RABGAP1L: variants seen among roughly 807,000 people sequenced by gnomAD.
RABGAP1L encodes rab GTPase-activating protein 1-like.
RABGAP1L carries 63 observed loss-of-function variants against 137.7 expected under a neutral mutation model. The ratio of observed to expected loss-of-function variants is 0.46; its 90% CI spans 0.37 to 0.56. The LOEUF (loss-of-function observed/expected upper bound fraction) is 0.56. Among genes scored for constraint, RABGAP1L ranks in the 20% least tolerant of loss-of-function variants. The pLI, the probability that RABGAP1L is intolerant of heterozygous loss-of-function variation, is 0.00. For synonymous variants in RABGAP1L, 431 were observed against 433.7 expected (o/e 0.99, Z 0.08); for missense variants, 1,095 against 1,244.0 (o/e 0.88, Z 1.80).
intron 19 of RABGAP1L, among the ~76,000 whole-genome samples, chr1:174,818,032 G>A (rs780820666): frequency 8.5e-5 from 13 of 152,176 alleles, no homozygotes; most frequent in Admixed American, 3.3e-4. Context: ...TATGTTGTTC[G>A]TGGTACATAT....
chr1:174,376,584 AG>A (rs1415979160), intron 12 of RABGAP1L, among the ~76,000 whole-genome samples: 3 of 152,228 alleles, frequency 2.0e-5, no homozygotes, highest in African/African-American at 7.2e-5. Context: ...AGGCTAAAGA[AG>A]AAAAACCATA....
intron 13 of RABGAP1L, among the ~76,000 whole-genome samples, chr1:174,419,401 T>G (rs1413971390): frequency 6.8e-6 from 1 of 147,226 alleles, no homozygotes; most frequent in East Asian, 1.9e-4. Flanking sequence ...CTAGAATGTT[T>G]CTGAAATATT....
intron 13 of RABGAP1L, among the ~76,000 whole-genome samples, chr1:174,471,545 C>T (rs10489261): frequency 0.08 from 12,218 of 152,200 alleles, 680 homozygotes; most frequent in East Asian, 0.32. Flanking sequence ...ATATCCAAAT[C>T]GGAGCTAAAT....
chr1:174,955,077 G>A (rs1668319601), intron 19 of RABGAP1L, among the ~76,000 whole-genome samples: 1 of 152,178 alleles, frequency 6.6e-6, no homozygotes, highest in South Asian at 2.1e-4. Flanking sequence ...CTACACAGTT[G>A]GCAGGTGGTG....
chr1:174,799,812 G>T, intron 18 of RABGAP1L: 8 of 997,344 alleles, frequency 8.0e-6, no homozygotes, highest in Non-Finnish European at 9.5e-6. Context: ...TGCTTGTCAC[G>T]AATCGAGGAT....
At chr1:174,666,647 C>G (rs944111791) in intron 14 of RABGAP1L, among the ~76,000 whole-genome samples, 67 of 152,166 alleles carry the variant, frequency 4.4e-4, no homozygotes, top group Non-Finnish European at 1.5e-5. Context: ...TTCATTCTTT[C>G]TGTGAGTCTG....
intron 10 of RABGAP1L, among the ~76,000 whole-genome samples, chr1:174,294,252 G>A (rs1331293736): frequency 6.6e-6 from 1 of 152,048 alleles, no homozygotes; most frequent in Non-Finnish European, 1.5e-5. Flanking sequence ...TTCCTTTTGG[G>A]CAGAGTCCTT....
At chr1:174,973,969 ATTGTTTT>A (rs1205356634) in intron 21 of RABGAP1L, among the ~76,000 whole-genome samples, 1 of 118,924 alleles carries the variant, frequency 8.4e-6, no homozygotes, top group African/African-American at 3.9e-5. Flanking sequence ...GAGCAGTACA[ATTGTTTT>A]TTGTTTTTTT....
intron 4 of RABGAP1L, chr1:174,238,870 G>T: frequency 6.4e-6 from 1 of 157,320 alleles, no homozygotes; most frequent in South Asian, 2.0e-4. Context: ...CCCCAGCCTT[G>T]CTGCCGCCTT....
chr1:174,508,218 A>G (rs1042757649), intron 13 of RABGAP1L, among the ~76,000 whole-genome samples: 3 of 152,154 alleles, frequency 2.0e-5, no homozygotes, highest in African/African-American at 2.4e-5. Context: ...GTTGCTGTAA[A>G]ACAAGCCCTG....
intron 11 of RABGAP1L, among the ~76,000 whole-genome samples, chr1:174,327,307 A>G (rs1680516850): frequency 7.3e-6 from 1 of 137,598 alleles, no homozygotes; most frequent in Non-Finnish European, 1.6e-5. Context: ...TGTATATAAT[A>G]AGGTATAATA....
intron 1 of RABGAP1L, among the ~76,000 whole-genome samples, chr1:174,193,671 A>G (rs562202264): frequency 3.9e-5 from 6 of 152,326 alleles, no homozygotes; most frequent in African/African-American, 1.4e-4. Flanking sequence ...TAGGAACATT[A>G]AACAGAATGC....
Position 174,570,568 on chromosome 1 carries a change from A to G in RABGAP1L, c.1711-66807A>G, listed in dbSNP as rs187068789. On this transcript the variant is annotated intron_variant, in intron 13 of 25. Coordinates refer to ENST00000681986, the MANE Select transcript of RABGAP1L (RefSeq NM_001366446.1). ...GATTGAAAATGAACTGTTAGGTACT[A>G]TGCTTACTACCTAGAGGATGGGATT... Among the ~76,000 whole-genome samples, 302 of 152,310 alleles carry G rather than the reference A, an allele frequency of 2.0e-3. 1 individual carries two copies. The highest frequency in any genetic ancestry group is 6.9e-3 in the African/African-American group (286 of 41,564).
chr1:174,240,101 A>G (rs1671665886), intron 4 of RABGAP1L, among the ~76,000 whole-genome samples: 2 of 152,232 alleles, frequency 1.3e-5, no homozygotes, highest in Non-Finnish European at 2.9e-5. Flanking sequence ...ACACCTTGAC[A>G]GAGATTTAGT....
intron 18 of RABGAP1L, among the ~76,000 whole-genome samples, chr1:174,782,616 A>C (rs867389504): frequency 3.3e-5 from 5 of 152,176 alleles, no homozygotes; most frequent in African/African-American, 1.2e-4. Context: ...GCATTTCCGC[A>C]TGGGATGTCA....
intron 5 of RABGAP1L, among the ~76,000 whole-genome samples, chr1:174,242,544 G>A (rs867737577): frequency 6.6e-6 from 1 of 152,182 alleles, no homozygotes; most frequent in Non-Finnish European, 1.5e-5. Context: ...GGAGTTTTGA[G>A]TTTATTTCTG....
chr1:174,654,677 A>T (rs1358077424), intron 14 of RABGAP1L, among the ~76,000 whole-genome samples: 1 of 152,020 alleles, frequency 6.6e-6, no homozygotes, highest in South Asian at 2.1e-4. Flanking sequence ...CTGTGTCTTT[A>T]AAAAAAGTAT....
chr1:174,428,659 A>G (rs1652241894), intron 13 of RABGAP1L, among the ~76,000 whole-genome samples: 1 of 152,184 alleles, frequency 6.6e-6, no homozygotes. Flanking sequence ...CAGGGTTTTC[A>G]ACTTTGAAAA....
intron 13 of RABGAP1L, 25 bp from the exon 14 acceptor site, chr1:174,637,350 C>T (rs774757705): frequency 1.3e-6 from 2 of 1,489,716 alleles, no homozygotes; most frequent in East Asian, 2.3e-5. Flanking sequence ...ATTTAATAAC[C>T]AGGTCTATTT....
Sources: allele counts gnomAD v4.1 joint callset (sites outside exome capture counted in the v4.1 genomes callset), GRCh38; gene constraint gnomAD v4.1.1; transcripts MANE v1.5; gene names NCBI Gene and HGNC (gene_info 2026-07-23, HGNC 2026-07-21).